LRBA: variants seen among roughly 807,000 people sequenced by gnomAD.
LRBA encodes the protein LPS responsive beige-like anchor protein.
In LRBA, 176 loss-of-function variants were observed where a neutral mutation model predicts 330.0. That is an observed-to-expected ratio of 0.53 (90% CI 0.47 to 0.60). The LOEUF (loss-of-function observed/expected upper bound fraction) is 0.60. Among genes scored for constraint, LRBA ranks in the 20% least tolerant of loss-of-function variants. The probability of loss-of-function intolerance (pLI) is 0.00; values close to 1 mark genes in which losing one functional copy is unlikely to be tolerated. For missense variants in LRBA, 3,259 were observed against 3,444.8 expected, an observed-to-expected ratio of 0.95 and a Z score of 1.35; for synonymous variants, 1,230 against 1,193.0, an observed-to-expected ratio of 1.03 and a Z score of -0.64.
chr4:150,359,297 C>T (rs1048718423), intron 47 of LRBA, among the ~76,000 whole-genome samples: 7 of 152,192 alleles, frequency 4.6e-5, no homozygotes, highest in South Asian at 2.1e-4. Flanking sequence ...TCTGGGGATA[C>T]TGAAATGAGA....
chr4:150,644,797 A>T (rs1457405093), intron 37 of LRBA, among the ~76,000 whole-genome samples: 1 of 151,882 alleles, frequency 6.6e-6, no homozygotes, highest in Admixed American at 6.6e-5. Context: ...CTGAAGTGGA[A>T]TCTGCTAGGA....
At chr4:150,524,886 G>C (rs1173961374) in intron 40 of LRBA, among the ~76,000 whole-genome samples, 1 of 152,004 alleles carries the variant, frequency 6.6e-6, no homozygotes, top group East Asian at 1.9e-4. Flanking sequence ...TCTCGCAAAG[G>C]CCAAACATCC....
At chr4:150,352,774 T>C (rs895466608) in intron 47 of LRBA, among the ~76,000 whole-genome samples, 1 of 152,214 alleles carries the variant, frequency 6.6e-6, no homozygotes, top group Non-Finnish European at 1.5e-5. Flanking sequence ...TAGGCACATT[T>C]ACAATGACAC....
intron 37 of LRBA, among the ~76,000 whole-genome samples, chr4:150,654,877 CCT>C (rs1491122471): frequency 5.9e-5 from 9 of 152,082 alleles, no homozygotes; most frequent in African/African-American, 1.9e-4. Context: ...ATTAACTCAT[CCT>C]TTTTTATGGC....
At chr4:150,282,775 C>A in intron 54 of LRBA, 129 bp from the exon 55 acceptor site, 1 of 635,476 alleles carries the variant, frequency 1.6e-6, no homozygotes, top group Admixed American at 3.3e-5. Context: ...TAAAAAACTT[C>A]CATCTTACGT....
chr4:150,837,560 T>A (rs1202780950), intron 28 of LRBA, among the ~76,000 whole-genome samples: 8 of 152,228 alleles, frequency 5.3e-5, no homozygotes, highest in African/African-American at 7.2e-5. Context: ...TGGCCTTGTC[T>A]CTTTTGATCT....
intron 37 of LRBA, among the ~76,000 whole-genome samples, chr4:150,648,169 A>AAAAAAAAAAAAAAAAAAAC (rs1464276690): frequency 7.0e-6 from 1 of 143,720 alleles, no homozygotes; most frequent in Non-Finnish European, 1.5e-5. Context: ...AAAAAAAAAA[A>AAAAAAAAAAAAAAAAAAAC]AAAAAAAACT....
At chr4:150,597,201 G>A in intron 38 of LRBA, 1 of 594,794 alleles carries the variant, frequency 1.7e-6, no homozygotes, top group Non-Finnish European at 2.9e-6. Context: ...TACAAGTCAA[G>A]AGTCTTAGGA....
intron 37 of LRBA, among the ~76,000 whole-genome samples, chr4:150,675,212 A>G (rs1782427300): frequency 6.6e-6 from 1 of 152,164 alleles, no homozygotes; most frequent in African/African-American, 2.4e-5. Flanking sequence ...AAACAAAAAA[A>G]CAAAACAGAA....
chr4:150,418,270 T>C (rs1748077122), intron 46 of LRBA, among the ~76,000 whole-genome samples: 1 of 152,120 alleles, frequency 6.6e-6, no homozygotes, highest in Non-Finnish European at 1.5e-5. Context: ...CTCCCCAAAA[T>C]ATATTTTATT....
chr4:150,360,525 T>C (rs899219750), intron 47 of LRBA, among the ~76,000 whole-genome samples: 1 of 152,212 alleles, frequency 6.6e-6, no homozygotes, highest in African/African-American at 2.4e-5. Context: ...TGACTAGTGG[T>C]TATCAACTGG....
At chr4:150,912,175 A>G (rs1732071424) in intron 9 of LRBA, among the ~76,000 whole-genome samples, 3 of 151,868 alleles carry the variant, frequency 2.0e-5, no homozygotes, top group South Asian at 4.2e-4. Context: ...CTGCTTTTCT[A>G]TTTTCTATTC....
At chr4:150,763,440 A>C (rs1735366061) in intron 34 of LRBA, among the ~76,000 whole-genome samples, 1 of 152,000 alleles carries the variant, frequency 6.6e-6, no homozygotes, top group Admixed American at 6.6e-5. Flanking sequence ...ATTTTACCAA[A>C]ACTGTAAAAC....
chr4:150,438,001 A>G (rs1504780), intron 44 of LRBA, among the ~76,000 whole-genome samples: 132,655 of 152,266 alleles, frequency 0.87, 58,668 homozygotes, highest in Non-Finnish European at 0.96. Context: ...ATATCCTTAC[A>G]AAGACGTAGA....
chr4:150,903,616 T>G (rs1560984193), intron 13 of LRBA, among the ~76,000 whole-genome samples: 4 of 152,012 alleles, frequency 2.6e-5, no homozygotes, highest in Admixed American at 1.3e-4. Context: ...GGTACACAGC[T>G]ACAGTCCCAA....
chr4:150,379,535 A>G (rs1348179040), intron 47 of LRBA, among the ~76,000 whole-genome samples: 1 of 152,156 alleles, frequency 6.6e-6, no homozygotes, highest in East Asian at 1.9e-4. Flanking sequence ...AGTACATTTC[A>G]TGGTCAAAGA....
intron 47 of LRBA, among the ~76,000 whole-genome samples, chr4:150,387,348 G>C (rs1199769192): frequency 6.6e-6 from 1 of 152,038 alleles, no homozygotes; most frequent in Non-Finnish European, 1.5e-5. Flanking sequence ...ATACCACAAT[G>C]AGAGTTCTTG....
chr4:150,905,371 A>AGAGCAG (rs760359607), intron 13 of LRBA, among the ~76,000 whole-genome samples: 6 of 152,214 alleles, frequency 3.9e-5, no homozygotes, highest in South Asian at 2.1e-4. Context: ...AAAAAGAGAG[A>AGAGCAG]GAGCAGGAGC....
intron 8 of LRBA, 123 bp downstream of exon 8, chr4:150,915,479 ATTATGT>A: frequency 1.3e-6 from 1 of 759,398 alleles, no homozygotes; most frequent in Non-Finnish European, 2.0e-6. Context: ...TGCTAGCCAA[ATTATGT>A]TTATAAAAAT....
Sources: gnomAD v4.1 joint callset for allele counts (sites outside exome capture counted in the v4.1 genomes callset) on GRCh38, gnomAD v4.1.1 for gene constraint, MANE v1.5 for transcripts, NCBI Gene and HGNC (gene_info 2026-07-23, HGNC 2026-07-21) for gene names.